Variants in MYT1L observed in about 807,000 individuals in gnomAD.
MYT1L encodes the protein myelin transcription factor 1 like.
MYT1L carries 12 observed loss-of-function variants against 126.7 expected under a neutral mutation model. The observed-to-expected ratio is 0.09, with a 90% CI of 0.06 to 0.15. The LOEUF (loss-of-function observed/expected upper bound fraction) is 0.15, where lower values mean the gene tolerates loss of function less well. Among genes scored for constraint, MYT1L ranks in the 10% least tolerant of loss-of-function variants. The probability of loss-of-function intolerance (pLI) is 1.00; values close to 1 mark genes in which losing one functional copy is unlikely to be tolerated. For synonymous variants in MYT1L, 541 were observed against 604.2 expected (o/e 0.90, Z 1.53); for missense variants, 979 against 1,585.2 (o/e 0.62, Z 6.49).
At chr2:2,007,107 G>T (rs141518245) in intron 4 of MYT1L, among the ~76,000 whole-genome samples, 2,231 of 152,018 alleles carry the variant, frequency 0.015, 26 homozygotes, top group Non-Finnish European at 0.022. Flanking sequence ...GGTTGCTTCT[G>T]TATCTTGGCT....
intron 3 of MYT1L, among the ~76,000 whole-genome samples, chr2:2,153,677 A>G (rs2086210880): frequency 6.6e-6 from 1 of 152,206 alleles, no homozygotes; most frequent in Non-Finnish European, 1.5e-5. Flanking sequence ...AAACTCAACT[A>G]GTGATGCTAG....
intron 1 of MYT1L, among the ~76,000 whole-genome samples, chr2:2,310,652 G>A (rs1164221926): frequency 1.3e-5 from 2 of 152,094 alleles, no homozygotes; most frequent in African/African-American, 4.8e-5. Context: ...CCCCACTCCA[G>A]CCTGGCTTGA....
At chr2:2,109,901 A>C (rs1466377956) in intron 3 of MYT1L, among the ~76,000 whole-genome samples, 5 of 121,288 alleles carry the variant, frequency 4.1e-5, no homozygotes, top group African/African-American at 1.4e-4. Flanking sequence ...ATATATATAT[A>C]TATATATATA....
intron 1 of MYT1L, among the ~76,000 whole-genome samples, chr2:2,290,750 C>G (rs1460925887): frequency 1.3e-4 from 20 of 152,158 alleles, no homozygotes; most frequent in Non-Finnish European, 2.9e-4. Flanking sequence ...CTGACCCCTG[C>G]CTGCAGAGAC....
In MYT1L at chr2:1,876,349, T is replaced by G. The variant is rs568533008; in HGVS notation, c.2711+10190A>C. 9.9e-5 allele frequency among the ~76,000 whole-genome samples: 15 copies of G among 152,224 alleles called. No individual in the cohort carries two copies. In the South Asian group the frequency reaches 3.1e-3, roughly 32 times the overall value. ...TCTGTCAACACCTACTGCCTGGTGA[T>G]GCGTCCACGCGTGGCCTTCGTGCCA... On this transcript the variant is annotated intron_variant, in intron 18 of 24. Coordinates refer to ENST00000647738, the MANE Select transcript of MYT1L (RefSeq NM_001303052.2).
intron 12 of MYT1L, among the ~76,000 whole-genome samples, chr2:1,911,091 C>T (rs527885877): frequency 1.4e-4 from 22 of 152,310 alleles, no homozygotes; most frequent in African/African-American, 5.1e-4. Flanking sequence ...TGAGGTTTGA[C>T]GGAGGCCCTG....
chr2:1,889,458 T>C lies in MYT1L; in HGVS notation c.2303A>G (p.Asp768Gly), dbSNP rs776543208. 1.2e-6 allele frequency: 2 copies of C among 1,603,530 alleles called. No individual in the cohort carries two copies. The highest frequency in any genetic ancestry group is 1.1e-5 in the South Asian group (1 of 90,210). The change falls in exon 16 of 25, where the codon GAT becomes GGT. Residue 768 changes from aspartate to glycine, a missense_variant. Physicochemically the swap from Asp to Gly is moderately conservative, Grantham distance 94. Around this residue, in one of 12 missense-constraint regions of MYT1L, gnomAD observed 141 missense variants for 170.6 expected, o/e 0.83. Transcript: ENST00000647738. This position sits in a 1 kb window ranked among gnomAD's most constrained non-coding sequence, Gnocchi z 4.1. ...GCTGAGGTCCAGGGTCCCGTTCTCA[T>C]CCACCTCCATGTCAGGGTTCTGTCG... ...CATRNPDMEV[D>G]ENGTLDLSMN... is the part of the protein sequence containing the mutation.
intron 1 of MYT1L, chr2:2,325,820 T>C (rs928029188): frequency 2.6e-5 from 4 of 152,252 alleles, no homozygotes; most frequent in East Asian, 3.9e-4. Flanking sequence ...AGAAGCTCTT[T>C]TGAGAGAGGG....
intron 8 of MYT1L, among the ~76,000 whole-genome samples, chr2:1,977,500 T>C (rs1354206948): frequency 6.6e-6 from 1 of 152,204 alleles, no homozygotes; most frequent in Non-Finnish European, 1.5e-5. Flanking sequence ...CAACTTTTTA[T>C]AATTGTACCT....
rs554756478 is a variant in MYT1L at position 2,327,686 on chromosome 2, T to C, written c.-521+3281A>G. Among the ~76,000 whole-genome samples the C allele has an allele frequency of 2.6e-5, 4 of 152,270 alleles. No homozygotes were observed. In the South Asian group the frequency reaches 8.3e-4, roughly 32 times the overall value. Reference sequence around the variant, plus strand: ...CTTCCTGGCAAAGGACAACATGCATTGGAAACACTGGTTATTGATTGAAAA... The same window carrying C: ...CTTCCTGGCAAAGGACAACATGCATCGGAAACACTGGTTATTGATTGAAAA... On this transcript the variant is annotated intron_variant, in intron 1 of 24. Transcript: ENST00000647738.
intron 3 of MYT1L, among the ~76,000 whole-genome samples, chr2:2,093,426 G>A (rs2077101287): frequency 6.6e-6 from 1 of 151,686 alleles, no homozygotes. Context: ...AAGATTATCA[G>A]AAACTAATGG....
Position 2,247,664 on chromosome 2 carries a change from A to T in MYT1L, c.-421+36740T>A, listed in dbSNP as rs1467562768. On this transcript the variant is annotated intron_variant, in intron 2 of 24. Coordinates refer to ENST00000647738, the MANE Select transcript of MYT1L (RefSeq NM_001303052.2). ...GTCTTAAAACATTCAAAAAATTGAA[A>T]TAATATCAAGCATCTTCTCTGATCA... Among the ~76,000 whole-genome samples the T allele has an allele frequency of 3.9e-5, 6 of 152,382 alleles. No individual in the cohort carries two copies. In the South Asian group the frequency reaches 1.0e-3, roughly 26 times the overall value.
chr2:2,186,307 TCCCCGAG>T (rs2092186429), intron 2 of MYT1L, among the ~76,000 whole-genome samples: 1 of 151,412 alleles, frequency 6.6e-6, no homozygotes, highest in South Asian at 2.1e-4. Context: ...TAGCCGGGCC[TCCCCGAG>T]TTCCGCGGTC....
At chr2:1,925,818 T>A (rs758878622) in intron 9 of MYT1L, among the ~76,000 whole-genome samples, 2 of 152,156 alleles carry the variant, frequency 1.3e-5, no homozygotes, top group Non-Finnish European at 2.9e-5. Context: ...TGCTTTCTAA[T>A]TGTGTGATGC....
At chr2:2,069,476 A>T (rs938543347) in intron 3 of MYT1L, among the ~76,000 whole-genome samples, 1 of 152,114 alleles carries the variant, frequency 6.6e-6, no homozygotes, top group Non-Finnish European at 1.5e-5. Flanking sequence ...TATCATTGAT[A>T]GGCATTTGGG....
chr2:1,940,684 G>A (rs1033333597), intron 9 of MYT1L, among the ~76,000 whole-genome samples: 6 of 152,268 alleles, frequency 3.9e-5, no homozygotes, highest in Non-Finnish European at 5.9e-5. Flanking sequence ...TCCTGTCATA[G>A]GTGATAATAG....
intron 18 of MYT1L, 70 bp downstream of exon 18, chr2:1,886,469 A>AT: frequency 8.6e-7 from 1 of 1,165,714 alleles, no homozygotes; most frequent in East Asian, 2.8e-5. Flanking sequence ...TGCAAATGAC[A>AT]TATCATTTTT....
chr2:2,309,222 A>T (rs1374210997), intron 1 of MYT1L, among the ~76,000 whole-genome samples: 1 of 151,512 alleles, frequency 6.6e-6, no homozygotes, highest in Non-Finnish European at 1.5e-5. Flanking sequence ...CCTGCACTTC[A>T]GTACATTCTA....
intron 4 of MYT1L, among the ~76,000 whole-genome samples, chr2:2,046,090 A>T (rs2150049781): frequency 6.6e-6 from 1 of 152,344 alleles, no homozygotes; most frequent in South Asian, 2.1e-4. Flanking sequence ...AGGAATGCAC[A>T]TATGCATGGC....
Sources: gnomAD v4.1 joint callset for allele counts (sites outside exome capture counted in the v4.1 genomes callset) on GRCh38, gnomAD v4.1.1 for gene constraint, gnomAD v4.1.1 regional missense constraint, Gnocchi (gnomAD v3.1) non-coding constraint, MANE v1.5 for transcripts, NCBI Gene and HGNC (gene_info 2026-07-23, HGNC 2026-07-21) for gene names.